Variants in SCD5 observed in about 807,000 individuals in gnomAD.
The protein encoded by SCD5 is acyl-CoA-desaturase 4.
Under a neutral mutation model 30.4 loss-of-function variants are expected in SCD5, and 20 were observed. The observed-to-expected ratio is 0.66, with a 90% confidence interval of 0.46 to 0.96. The LOEUF is 0.96. Among genes scored for constraint, SCD5 ranks in the 40% least tolerant of loss-of-function variants. SCD5 has a pLI of 0.00. For synonymous variants in SCD5, 173 were observed against 176.4 expected (o/e 0.98, Z 0.16); for missense variants, 381 against 443.3 (o/e 0.86, Z 1.26).
chr4:82,737,249 A>G (rs1402654782), intron 1 of SCD5, among the ~76,000 whole-genome samples: 1 of 152,224 alleles, frequency 6.6e-6, no homozygotes, highest in Non-Finnish European at 1.5e-5. Flanking sequence ...TATAATTACT[A>G]AGGAGGCTGA....
intron 1 of SCD5, among the ~76,000 whole-genome samples, chr4:82,789,778 G>A (rs554405072): frequency 2.0e-4 from 30 of 152,214 alleles, no homozygotes; most frequent in Non-Finnish European, 2.6e-4. Context: ...ATGTGGGCTC[G>A]TGGGAATCAG....
intron 3 of SCD5, among the ~76,000 whole-genome samples, chr4:82,675,377 T>A (rs1002669419): frequency 6.6e-6 from 1 of 152,134 alleles, no homozygotes; most frequent in African/African-American, 2.4e-5. Flanking sequence ...GAGAGAAGAC[T>A]AGAGATAACA....
At chr4:82,693,111 G>A (rs918661657) in intron 2 of SCD5, among the ~76,000 whole-genome samples, 3 of 152,204 alleles carry the variant, frequency 2.0e-5, no homozygotes, top group Admixed American at 2.0e-4. Context: ...ACAGAGGGCA[G>A]GGCCGGGTTT....
At chr4:82,738,377 G>A (rs952191277) in intron 1 of SCD5, among the ~76,000 whole-genome samples, 6 of 152,174 alleles carry the variant, frequency 3.9e-5, no homozygotes, top group African/African-American at 7.2e-5. Context: ...AGCCGAGATC[G>A]TGCCACTGCA....
chr4:82,685,630 C>G (rs1396459621), intron 2 of SCD5, among the ~76,000 whole-genome samples: 2 of 115,296 alleles, frequency 1.7e-5, no homozygotes, highest in African/African-American at 6.9e-5. Flanking sequence ...TGAGAATCAC[C>G]TGAACCTGGA....
At chr4:82,636,997 C>A (rs373639390) in intron 3 of SCD5, among the ~76,000 whole-genome samples, 174 bp from the exon 4 acceptor site, 17 of 152,294 alleles carry the variant, frequency 1.1e-4, no homozygotes, top group Admixed American at 2.6e-4. Context: ...GACCCATATA[C>A]CTGCAAGGGC....
rs182925106 is a variant in SCD5 at position 82,753,143 on chromosome 4, T to A, written c.232+45163A>T. Among the ~76,000 whole-genome samples the A allele has an allele frequency of 8.1e-3, 1,234 of 152,242 alleles. 12 individuals carry two copies. The highest frequency in any genetic ancestry group is 9.9e-3 in the Non-Finnish European group (676 of 68,000). ...GTCTGCATTTTAGCAAGATCCTATG[T>A]GATTCCTGTGCACATTCCAGTTTGA... On this transcript the variant is annotated intron_variant, in intron 1 of 4. Transcript: ENST00000319540.
chr4:82,693,225 G>C (rs1719605049), intron 2 of SCD5, among the ~76,000 whole-genome samples: 1 of 152,190 alleles, frequency 6.6e-6, no homozygotes, highest in African/African-American at 2.4e-5. Flanking sequence ...CTGATACTCA[G>C]CTCCGGTGCC....
chr4:82,753,470 G>A (rs1188615330), intron 1 of SCD5: 1 of 489,600 alleles, frequency 2.0e-6, no homozygotes, highest in South Asian at 1.5e-5. Context: ...CACGCGGGTG[G>A]ACTCTGACAG....
intron 1 of SCD5, among the ~76,000 whole-genome samples, chr4:82,749,497 C>G (rs545686950): frequency 1.3e-3 from 191 of 152,286 alleles, no homozygotes; most frequent in African/African-American, 4.3e-3. Context: ...TTTGGGATGG[C>G]ACATCCTTCA....
intron 1 of SCD5, among the ~76,000 whole-genome samples, chr4:82,739,978 C>T (rs752279551): frequency 2.0e-5 from 3 of 152,174 alleles, no homozygotes; most frequent in Non-Finnish European, 2.9e-5. Flanking sequence ...TCACCTGTGT[C>T]GGCTCAACAC....
At chr4:82,695,033 G>GGTTGCCT (rs1719668853) in intron 2 of SCD5, among the ~76,000 whole-genome samples, 1 of 128,466 alleles carries the variant, frequency 7.8e-6, no homozygotes, top group Admixed American at 7.4e-5. Context: ...TGCAGCCCTT[G>GGTTGCCT]CAGCAGGCGT....
intron 2 of SCD5, among the ~76,000 whole-genome samples, chr4:82,690,605 G>A (rs1037755722): frequency 4.6e-5 from 7 of 151,908 alleles, no homozygotes; most frequent in African/African-American, 1.2e-4. Context: ...CAATACATTC[G>A]GCATACTGTT....
chr4:82,778,628 C>G (rs11943851), intron 1 of SCD5, among the ~76,000 whole-genome samples: 6,808 of 152,234 alleles, frequency 0.045, 209 homozygotes, highest in African/African-American at 0.087. Flanking sequence ...CTTTGATGTC[C>G]CCTTCACAAG....
chr4:82,705,186 A>G (rs1719942048), intron 2 of SCD5, 97 bp downstream of exon 2: 20 of 1,474,912 alleles, frequency 1.4e-5, no homozygotes, highest in East Asian at 2.3e-5. Context: ...CACTGAGTCT[A>G]GGACAGGGGT....
At chr4:82,639,296 G>A (rs1266756439) in intron 3 of SCD5, among the ~76,000 whole-genome samples, 1 of 152,166 alleles carries the variant, frequency 6.6e-6, no homozygotes, top group South Asian at 2.1e-4. Context: ...GGGCCTTAGA[G>A]GTGGCCTTCT....
At chr4:82,673,631 T>C (rs1728374042) in intron 3 of SCD5, among the ~76,000 whole-genome samples, 1 of 152,176 alleles carries the variant, frequency 6.6e-6, no homozygotes, top group African/African-American at 2.4e-5. Context: ...CAGCAAGTTA[T>C]TTTGTAGATA....
intron 1 of SCD5, among the ~76,000 whole-genome samples, chr4:82,778,505 A>G (rs1415082812): frequency 6.6e-6 from 1 of 152,238 alleles, no homozygotes; most frequent in Non-Finnish European, 1.5e-5. Flanking sequence ...GGTCCCTACA[A>G]GGGCCGCATG....
At chr4:82,705,496 G>A in intron 1 of SCD5, 83 bp from the exon 2 acceptor site, 2 of 1,548,142 alleles carry the variant, frequency 1.3e-6, no homozygotes, top group Middle Eastern at 1.7e-4. Flanking sequence ...CCTGAACAGG[G>A]ACACACGTGA....
Sources: allele counts gnomAD v4.1 joint callset (sites outside exome capture counted in the v4.1 genomes callset), GRCh38; gene constraint gnomAD v4.1.1; transcripts MANE v1.5; gene names NCBI Gene and HGNC (gene_info 2026-07-23, HGNC 2026-07-21).